The following ALPK3 variants were observed in gnomAD, a reference collection of about 807,000 sequenced individuals.
ALPK3 encodes alpha-protein kinase 3.
A neutral mutation model predicts 140.0 loss-of-function variants in ALPK3; 102 were observed. That is an observed-to-expected ratio of 0.73 (90% CI 0.62 to 0.86). ALPK3 has a LOEUF of 0.86. Ranked by LOEUF, ALPK3 falls within the 40% of genes least tolerant of loss-of-function variation. The pLI is 0.00. For synonymous variants in ALPK3, 938 were observed against 898.5 expected, an observed-to-expected ratio of 1.04 and a Z score of -0.79; for missense variants, 2,254 against 2,208.2, an observed-to-expected ratio of 1.02 and a Z score of -0.42.
intron 4 of ALPK3, 60 bp from the exon 5 acceptor site, chr15:84,839,642 G>A (rs1963632944): frequency 6.5e-7 from 1 of 1,528,814 alleles, no homozygotes; most frequent in Non-Finnish European, 8.8e-7. Context: ...CTGGCTGGGG[G>A]GTGTGGGGGC....
In ALPK3 at chr15:84,840,224, G is replaced by C. The variant is rs970840303; in HGVS notation, c.945G>C (p.Lys315Asn). The C allele has an allele frequency of 9.3e-6, 15 of 1,613,682 alleles. No individual in the cohort carries two copies. The highest frequency in any genetic ancestry group is 1.3e-5 in the Non-Finnish European group (15 of 1,180,028). The change falls in exon 5 of 14, where the codon AAG (lysine) becomes AAC (asparagine). Residue 315 changes from lysine (K) to asparagine (N), a missense_variant. Transcript: ENST00000258888. ...QRALKEESGAKKKKKDEESKQ... is the reference protein window; with the variant it reads ...QRALKEESGANKKKKDEESKQ... ...CCCTCAAAGAGGAGAGTGGGGCCAA[G>C]AAGAAAAAGAAAGATGAGGAATCCA...
At position 84,856,951 on chromosome 15, in the gene ALPK3, C is replaced by A. The variant is rs1963869640; in HGVS notation, c.2213C>A (p.Thr738Asn). Residue 738 changes from threonine (T) to asparagine (N), a missense_variant, in exon 6 of 14, where the codon ACC (threonine) becomes AAC (asparagine). Coordinates refer to ENST00000258888, the MANE Select transcript of ALPK3 (RefSeq NM_020778.5). ...ACCAGCCTCGGCCCACCATCCAGAA[C>A]CCCCAAACTCCCACCTACAGCGGGT... ...VATSLGPPSR[T>N]PKLPPTAGPR... 1 of 1,614,078 alleles carries A rather than the reference C, an allele frequency of 6.2e-7. No homozygotes were observed. Among genetic ancestry groups the A allele is most frequent in the South Asian group, 1.1e-5 (1 of 91,074 alleles).
intron 11 of ALPK3, 64 bp downstream of exon 11, chr15:84,863,704 A>G (rs2141573479): frequency 1.3e-6 from 2 of 1,507,418 alleles, no homozygotes; most frequent in Admixed American, 1.9e-5. Flanking sequence ...CTGCAAAGAC[A>G]GTGATTTCAC....
rs574912937 is a variant in ALPK3, at chr15:84,855,005, A to T, written c.1654-1387A>T. On this transcript the variant is annotated intron_variant, in intron 5 of 13. Coordinates refer to ENST00000258888, the MANE Select transcript of ALPK3 (RefSeq NM_020778.5). ...ATTTCCTCAAGCAGGGCTTGTGGGA[A>T]CAATATTCCTTTAGTCTTTGTATGC... Among the ~76,000 whole-genome samples, 75 of 152,362 alleles carry T rather than the reference A, an allele frequency of 4.9e-4. No individual in the cohort carries two copies. In the South Asian group the frequency reaches 0.014, roughly 29 times the overall value.
chr15:84,856,628 C>T lies in ALPK3; in HGVS notation c.1890C>T (p.Ala630=). The T allele has an allele frequency of 6.2e-7, 1 of 1,613,964 alleles. No individual in the cohort carries two copies. The change falls in exon 6 of 14, where the codon GCC becomes GCT. Residue 630 remains alanine (A), a synonymous_variant. Transcript: ENST00000258888. ...CCAGGGGAGATGGAACACAGACAGC[C>T]CAGAGGACACGTGCAGATAGGAAGA... The part of the protein sequence containing the change: ...GRTRGDGTQT[A]QRTRADRKTQ...
chr15:84,861,786 G>T (rs1270220985), intron 9 of ALPK3, among the ~76,000 whole-genome samples: 1 of 40,708 alleles, frequency 2.5e-5, no homozygotes, highest in Non-Finnish European at 4.4e-5. Flanking sequence ...ATAACGAGTT[G>T]GTGCCCTACC....
At position 84,840,716 on chromosome 15, in the gene ALPK3, CA is replaced by C. The variant is rs1963653131; in HGVS notation, c.1438del (p.Arg480GlufsTer23). On this transcript the variant is annotated frameshift_variant, in exon 5 of 14. Transcript: ENST00000258888. LOFTEE classifies it high-confidence loss of function. Reference sequence around the variant, plus strand: ...CCCCCCAGCCGACTAGGCCTTTCAACAGAAAGAGATTTGCCCCTCCAAAGCC... The same window carrying C: ...CCCCCCAGCCGACTAGGCCTTTCAACGAAAGAGATTTGCCCCTCCAAAGCC... Reference protein sequence around the residue: ...LTPQPTRPFNRKRFAPPKPKG... With the variant: ...LTPQPTRPFNXKRFAPPKPKG... 1 of 1,613,290 alleles carries C rather than the reference CA, an allele frequency of 6.2e-7. No homozygotes were observed.
chr15:84,849,202 C>A (rs1264629393), intron 5 of ALPK3, among the ~76,000 whole-genome samples: 1 of 151,546 alleles, frequency 6.6e-6, no homozygotes, highest in Non-Finnish European at 1.5e-5. Context: ...AGGGTCAATT[C>A]AAGAAGACAT....
At chr15:84,856,168 G>C (rs1963857649) in intron 5 of ALPK3, among the ~76,000 whole-genome samples, 1 of 152,210 alleles carries the variant, frequency 6.6e-6, no homozygotes, top group Non-Finnish European at 1.5e-5. Context: ...ATATTCCCCA[G>C]TCCAGATTCT....
chr15:84,854,067 A>G (rs1963834841), intron 5 of ALPK3, among the ~76,000 whole-genome samples: 1 of 152,020 alleles, frequency 6.6e-6, no homozygotes, highest in Non-Finnish European at 1.5e-5. Context: ...TTTAAATTCT[A>G]CACTTAATTT....
At position 84,856,558 on chromosome 15, in the gene ALPK3, A is replaced by G. The variant is rs1401903750; in HGVS notation, c.1820A>G (p.Lys607Arg). The change falls in exon 6 of 14, where the codon AAG becomes AGG. Residue 607 changes from lysine (K) to arginine (R), a missense_variant. Coordinates refer to ENST00000258888, the MANE Select transcript of ALPK3 (RefSeq NM_020778.5). Reference protein sequence around the residue: ...RTSANQRTGSKKNVQADGKIQ... With the variant: ...RTSANQRTGSRKNVQADGKIQ... ...TCTGCTAACCAGAGAACTGGAAGCAAGAAGAATGTGCAGGCAGATGGGAAG... is the reference window on the plus strand; with the variant it reads ...TCTGCTAACCAGAGAACTGGAAGCAGGAAGAATGTGCAGGCAGATGGGAAG... 3.1e-6 allele frequency: 5 copies of G among 1,614,194 alleles called. No individual in the cohort carries two copies. The highest frequency in any genetic ancestry group is 4.2e-6 in the Non-Finnish European group (5 of 1,180,026).
At position 84,873,001 on chromosome 15, in the gene ALPK3, T is replaced by G. The variant is rs1265232454; in HGVS notation, c.*4545T>G. 1 of 152,212 alleles carries G rather than the reference T, an allele frequency of 6.6e-6. No homozygotes were observed. Among genetic ancestry groups the G allele is most frequent in the Admixed American group, 6.5e-5 (1 of 15,276 alleles). 9.4% of individuals were successfully genotyped at this position (152,212 alleles called of 1,614,324 possible). A position where few individuals can be genotyped will look rare whatever the true frequency, so the allele number is the denominator to read the frequency against. On this transcript the variant is annotated 3_prime_UTR_variant, in exon 14 of 14. Transcript: ENST00000258888. Reference sequence around the variant, plus strand: ...CTTAGGGGCGTCTGGCCTTTTTCATTCCTGGGACCCACAGCTCGAGGTCTG... The same window carrying G: ...CTTAGGGGCGTCTGGCCTTTTTCATGCCTGGGACCCACAGCTCGAGGTCTG...
chr15:84,839,087 C>T lies in ALPK3; in HGVS notation c.412C>T (p.Gln138Ter), dbSNP rs200889953. The T allele has an allele frequency of 4.4e-6, 7 of 1,607,782 alleles. No individual in the cohort carries two copies. The highest frequency in any genetic ancestry group is 5.9e-6 in the Non-Finnish European group (7 of 1,176,840). The change falls in exon 4 of 14, where the codon CAG (glutamine) becomes TAG (stop). Residue 138 changes from glutamine (Q) to a stop codon, truncating the protein, a stop_gained. Transcript: ENST00000258888. LOFTEE classifies it high-confidence loss of function. ...ITHQGNRHTL[Q>*]LYRCREEDAA... ...TCATCAGGGCAACCGCCACACACTG[C>T]AGCTGTACAGGTGAGGGAGAAGGGC...
chr15:84,844,822 G>A (rs530001591), intron 5 of ALPK3, among the ~76,000 whole-genome samples: 5 of 151,770 alleles, frequency 3.3e-5, no homozygotes, highest in Non-Finnish European at 5.9e-5. Context: ...ACGCCACCGC[G>A]CTCCAGCCTG....
intron 2 of ALPK3, among the ~76,000 whole-genome samples, chr15:84,825,533 C>T (rs898854200): frequency 6.6e-6 from 1 of 152,182 alleles, no homozygotes; most frequent in Non-Finnish European, 1.5e-5. Context: ...AACATAGTTT[C>T]CCTGTTGTCT....
In ALPK3 at chr15:84,870,952, A is replaced by G. The variant is rs1325554498; in HGVS notation, c.*2496A>G. On this transcript the variant is annotated 3_prime_UTR_variant, in exon 14 of 14. Transcript: ENST00000258888. ...CATTTCTCTCTGCTTAGGGAATTCAAGATCATATCTAACTTCGAATTCCAG... is the reference window on the plus strand; with the variant it reads ...CATTTCTCTCTGCTTAGGGAATTCAGGATCATATCTAACTTCGAATTCCAG... The G allele has an allele frequency of 2.6e-5, 4 of 152,354 alleles. No individual in the cohort carries two copies. The highest frequency in any genetic ancestry group is 5.9e-5 in the Non-Finnish European group (4 of 68,046). The allele number at this position is 152,354 out of a possible 1,614,324, so 9.4% of individuals were successfully genotyped here. A position where few individuals can be genotyped will look rare whatever the true frequency, so the allele number is the denominator to read the frequency against.
At chr15:84,864,408 C>T in intron 11 of ALPK3, 34 bp from the exon 12 acceptor site, 7 of 1,596,424 alleles carry the variant, frequency 4.4e-6, no homozygotes, top group Non-Finnish European at 6.0e-6. Context: ...CTGGGCCATA[C>T]TTCCTGCTTA....
chr15:84,863,666 C>T (rs906060965), intron 11 of ALPK3, 26 bp downstream of exon 11: 2 of 1,605,830 alleles, frequency 1.2e-6, no homozygotes, highest in African/African-American at 2.7e-5. Context: ...GGAGGACGTG[C>T]AGTGTGCAGC....
chr15:84,845,588 A>C (rs1223826601), intron 5 of ALPK3, among the ~76,000 whole-genome samples: 4 of 152,238 alleles, frequency 2.6e-5, no homozygotes, highest in Non-Finnish European at 4.4e-5. Context: ...AACTCTTTAT[A>C]AATTTCTGGG....
Sources: gnomAD v4.1 joint callset for allele counts (sites outside exome capture counted in the v4.1 genomes callset) on GRCh38, gnomAD v4.1.1 for gene constraint, MANE v1.5 for transcripts, NCBI Gene and HGNC (gene_info 2026-07-23, HGNC 2026-07-21) for gene names.